TMC1: variants seen among roughly 807,000 people sequenced by gnomAD.
The protein encoded by TMC1 is transmembrane channel like 1, also known as transmembrane channel-like protein 1.
TMC1 carries 84 observed loss-of-function variants against 105.8 expected under a neutral mutation model. The ratio of observed to expected loss-of-function variants is 0.79; its 90% CI spans 0.67 to 0.95. The LOEUF is 0.95. Among genes scored for constraint, TMC1 ranks in the 40% least tolerant of loss-of-function variants. The pLI is 0.00. For synonymous variants in TMC1, 315 were observed against 311.5 expected (o/e 1.01, Z -0.12); for missense variants, 817 against 914.1 (o/e 0.89, Z 1.37).
At chr9:72,656,034 T>A (rs1825879710) in intron 5 of TMC1, 1 of 734,144 alleles carries the variant, frequency 1.4e-6, no homozygotes, top group Non-Finnish European at 2.5e-6. Context: ...GCATTTGAAC[T>A]GGTCTTTTCA....
intron 1 of TMC1, among the ~76,000 whole-genome samples, chr9:72,566,126 C>G (rs1824148456): frequency 6.6e-6 from 1 of 152,180 alleles, no homozygotes; most frequent in Admixed American, 6.5e-5. Context: ...AATTCCTGGG[C>G]TCAAGTGATC....
At chr9:72,545,507 T>G (rs553923551) in intron 1 of TMC1, among the ~76,000 whole-genome samples, 2 of 152,136 alleles carry the variant, frequency 1.3e-5, no homozygotes, top group Non-Finnish European at 2.9e-5. Flanking sequence ...TTTTTGTTTT[T>G]GGCACAGTCT....
chr9:72,591,391 G>T (rs191507403), intron 2 of TMC1, among the ~76,000 whole-genome samples: 25 of 152,262 alleles, frequency 1.6e-4, no homozygotes, highest in African/African-American at 5.8e-4. Context: ...CTCCCAGTAG[G>T]TTATAAAGTG....
At chr9:72,737,293 A>G (rs1224547960) in intron 8 of TMC1, among the ~76,000 whole-genome samples, 1 of 152,228 alleles carries the variant, frequency 6.6e-6, no homozygotes, top group African/African-American at 2.4e-5. Flanking sequence ...TCATGTTAGA[A>G]CAAGGTCACG....
At chr9:72,608,547 A>G (rs1331928978) in intron 2 of TMC1, among the ~76,000 whole-genome samples, 3 of 152,058 alleles carry the variant, frequency 2.0e-5, no homozygotes, top group African/African-American at 7.2e-5. Context: ...TCTCTACTAA[A>G]AATACAAAAA....
At chr9:72,708,134 T>G (rs1253251095) in intron 8 of TMC1, among the ~76,000 whole-genome samples, 1 of 152,218 alleles carries the variant, frequency 6.6e-6, no homozygotes, top group Non-Finnish European at 1.5e-5. Flanking sequence ...TGCCTATTTT[T>G]ATACCAGTAG....
At chr9:72,540,841 C>G (rs1362936313) in intron 1 of TMC1, among the ~76,000 whole-genome samples, 4 of 152,138 alleles carry the variant, frequency 2.6e-5, no homozygotes, top group Non-Finnish European at 5.9e-5. Flanking sequence ...TAAATGACCA[C>G]TCTGTGTCCT....
At chr9:72,641,402 A>G (rs933327725) in intron 4 of TMC1, among the ~76,000 whole-genome samples, 1 of 152,098 alleles carries the variant, frequency 6.6e-6, no homozygotes, top group East Asian at 1.9e-4. Flanking sequence ...CTCACCCTGG[A>G]CTTTATGACA....
intron 18 of TMC1, among the ~76,000 whole-genome samples, chr9:72,811,125 G>A (rs1266986147): frequency 6.6e-6 from 1 of 152,078 alleles, no homozygotes; most frequent in Admixed American, 6.6e-5. Flanking sequence ...AGGTTCCTAA[G>A]TTTATGTAGC....
At chr9:72,642,741 G>C (rs1320083965) in intron 4 of TMC1, among the ~76,000 whole-genome samples, 2 of 152,104 alleles carry the variant, frequency 1.3e-5, no homozygotes, top group Non-Finnish European at 2.9e-5. Context: ...CTTTTTCTTC[G>C]TAGTCAGATT....
chr9:72,563,310 A>G (rs940673888), intron 1 of TMC1, among the ~76,000 whole-genome samples: 1 of 152,216 alleles, frequency 6.6e-6, no homozygotes, highest in African/African-American at 2.4e-5. Flanking sequence ...TTGTTCAACC[A>G]TCATCAGCTT....
chr9:72,546,133 A>AG (rs1010766462), intron 1 of TMC1, among the ~76,000 whole-genome samples: 23 of 152,086 alleles, frequency 1.5e-4, no homozygotes, highest in African/African-American at 5.5e-4. Context: ...AAAAAAAAAA[A>AG]AATGAAAAAA....
chr9:72,809,274 T>C (rs1024897241), intron 18 of TMC1, among the ~76,000 whole-genome samples: 2 of 152,218 alleles, frequency 1.3e-5, no homozygotes, highest in Non-Finnish European at 2.9e-5. Context: ...ATTAAATGAC[T>C]GTAATTTATT....
intron 1 of TMC1, among the ~76,000 whole-genome samples, chr9:72,545,267 A>T (rs578169714): frequency 6.6e-6 from 1 of 151,680 alleles, no homozygotes; most frequent in African/African-American, 2.4e-5. Context: ...CTGCCCTTTG[A>T]ATGGCTGACT....
chr9:72,667,631 C>T (rs1826064366), intron 5 of TMC1, among the ~76,000 whole-genome samples: 1 of 152,196 alleles, frequency 6.6e-6, no homozygotes, highest in African/African-American at 2.4e-5. Flanking sequence ...GAGATAATAA[C>T]ACACGCACCA....
intron 8 of TMC1, among the ~76,000 whole-genome samples, chr9:72,726,581 C>T (rs1415346694): frequency 6.6e-6 from 1 of 152,152 alleles, no homozygotes; most frequent in Non-Finnish European, 1.5e-5. Context: ...TCTTCCATGT[C>T]TAAGTTTGTC....
intron 2 of TMC1, among the ~76,000 whole-genome samples, chr9:72,602,184 C>G (rs1267264629): frequency 6.6e-6 from 1 of 151,856 alleles, no homozygotes; most frequent in Admixed American, 6.6e-5. Context: ...TGTTGTAGCT[C>G]GTTTAATCCT....
intron 1 of TMC1, among the ~76,000 whole-genome samples, chr9:72,538,443 T>TATTGTATTGTATTGTATTGTATTG (rs1823622323): frequency 6.6e-6 from 1 of 150,718 alleles, no homozygotes; most frequent in South Asian, 2.1e-4. Context: ...TATTGTATTG[T>TATTGTATTGTATTGTATTGTATTG]ATCGTATTTT....
chr9:72,522,527 A>G (rs1272907864), intron 1 of TMC1, among the ~76,000 whole-genome samples: 1 of 152,228 alleles, frequency 6.6e-6, no homozygotes, highest in African/African-American at 2.4e-5. Context: ...ATGACAGTAA[A>G]GGGGGACAGT....
Sources: allele counts gnomAD v4.1 joint callset (sites outside exome capture counted in the v4.1 genomes callset), GRCh38; gene constraint gnomAD v4.1.1; transcripts MANE v1.5; gene names NCBI Gene and HGNC (gene_info 2026-07-23, HGNC 2026-07-21).